The following LRRTM3 variants were observed in gnomAD, a reference collection of about 807,000 sequenced individuals.
LRRTM3 encodes leucine-rich repeat transmembrane neuronal protein 3.
Under a neutral mutation model 44.7 loss-of-function variants are expected in LRRTM3, and 24 were observed. The ratio of observed to expected loss-of-function variants is 0.54; its 90% CI spans 0.39 to 0.76. The LOEUF is 0.76. Among genes scored for constraint, LRRTM3 ranks in the 30% least tolerant of loss-of-function variants. The probability of loss-of-function intolerance (pLI) is 0.00; values close to 1 mark genes in which losing one functional copy is unlikely to be tolerated. For missense variants in LRRTM3, 587 were observed against 702.2 expected (o/e 0.84, Z 1.85); for synonymous variants, 277 against 278.7 (o/e 0.99, Z 0.06).
intron 2 of LRRTM3, among the ~76,000 whole-genome samples, chr10:67,013,512 G>T (rs945044503): frequency 7.2e-5 from 11 of 152,146 alleles, no homozygotes; most frequent in African/African-American, 2.7e-4. Context: ...TGTGCAAAAA[G>T]TCACATTAAA....
chr10:67,051,458 T>G (rs1052875598), intron 2 of LRRTM3, among the ~76,000 whole-genome samples: 1 of 78,544 alleles, frequency 1.3e-5, no homozygotes, highest in African/African-American at 4.5e-5. Flanking sequence ...TCTTTTTTCT[T>G]TTTTCTTTTT....
At chr10:66,967,691 T>A (rs1028025281) in intron 2 of LRRTM3, among the ~76,000 whole-genome samples, 9 of 152,042 alleles carry the variant, frequency 5.9e-5, no homozygotes. Context: ...AAAATGAACG[T>A]TCTAAAAATG....
At chr10:67,030,898 G>C (rs1036693919) in intron 2 of LRRTM3, among the ~76,000 whole-genome samples, 1 of 152,168 alleles carries the variant, frequency 6.6e-6, no homozygotes, top group African/African-American at 2.4e-5. Flanking sequence ...CAGCTACTCA[G>C]GTGGTTGAGG....
chr10:67,047,749 TTAAGA>T (rs1229222430), intron 2 of LRRTM3, among the ~76,000 whole-genome samples: 1 of 152,112 alleles, frequency 6.6e-6, no homozygotes, highest in Admixed American at 6.5e-5. Context: ...TTAAATTAAA[TTAAGA>T]TTTCATTTTC....
chr10:66,926,214 T>C lies in LRRTM3; in HGVS notation c.-370T>C. On this transcript the variant is annotated 5_prime_UTR_variant, in exon 1 of 3. Transcript: ENST00000361320. ...GCAGCTCAGGTAGCCCCAAATTGCC[T>C]GGAAGAATACATCATGTTTTTCGAT... 2.2e-6 allele frequency: 1 copy of C among 453,752 alleles called. No individual in the cohort carries two copies. Among genetic ancestry groups the C allele is most frequent in the Non-Finnish European group, 4.3e-6 (1 of 232,954 alleles). 28.1% of individuals were successfully genotyped at this position (453,752 alleles called of 1,614,324 possible).
At chr10:67,096,531 A>G (rs1213465980) in intron 2 of LRRTM3, among the ~76,000 whole-genome samples, 1 of 151,956 alleles carries the variant, frequency 6.6e-6, no homozygotes, top group African/African-American at 2.4e-5. Flanking sequence ...AGAGAATTCA[A>G]CAGCATGAAT....
intron 2 of LRRTM3, among the ~76,000 whole-genome samples, chr10:67,032,311 T>C (rs1449974166): frequency 6.6e-6 from 1 of 152,138 alleles, no homozygotes; most frequent in East Asian, 1.9e-4. Context: ...TATGCAGAGG[T>C]AACTGACATA....
In LRRTM3 at chr10:67,099,888, G is replaced by A. The variant is rs1203405603; in HGVS notation, c.*2092G>A. ...TCTCTACATTGAAATTTGGCTTTAC[G>A]TCGTTAGCAAATTTATAAAGGGTTA... On this transcript the variant is annotated 3_prime_UTR_variant, in exon 3 of 3. Coordinates refer to ENST00000361320, the MANE Select transcript of LRRTM3 (RefSeq NM_178011.5). 2.6e-5 allele frequency: 4 copies of A among 151,314 alleles called. No homozygotes were observed. Among genetic ancestry groups the A allele is most frequent in the South Asian group, 2.1e-4 (1 of 4,812 alleles). The allele number at this position is 151,314 out of a possible 1,614,324, so 9.4% of individuals were successfully genotyped here. A position where few individuals can be genotyped will look rare whatever the true frequency, so the allele number is the denominator to read the frequency against.
chr10:66,984,053 G>A (rs1850594050), intron 2 of LRRTM3, among the ~76,000 whole-genome samples: 1 of 152,136 alleles, frequency 6.6e-6, no homozygotes, highest in African/African-American at 2.4e-5. Flanking sequence ...ACATTATGAA[G>A]TCTCATCTGT....
At chr10:67,014,577 A>G (rs879780285) in intron 2 of LRRTM3, among the ~76,000 whole-genome samples, 6 of 152,176 alleles carry the variant, frequency 3.9e-5, no homozygotes, top group Non-Finnish European at 8.8e-5. Context: ...TCCAAAATTT[A>G]TAATGTATTT....
At chr10:66,989,875 A>G (rs567503969) in intron 2 of LRRTM3, among the ~76,000 whole-genome samples, 2 of 152,094 alleles carry the variant, frequency 1.3e-5, no homozygotes, top group Non-Finnish European at 2.9e-5. Flanking sequence ...CTCTATGATT[A>G]TTTAGCGGCA....
intron 2 of LRRTM3, among the ~76,000 whole-genome samples, chr10:66,967,224 A>G (rs753192338): frequency 1.3e-5 from 2 of 151,998 alleles, no homozygotes; most frequent in Non-Finnish European, 2.9e-5. Flanking sequence ...GACATAAACC[A>G]TGACCTTCTA....
intron 2 of LRRTM3, among the ~76,000 whole-genome samples, chr10:67,086,684 T>A (rs1271129020): frequency 6.6e-6 from 1 of 151,870 alleles, no homozygotes; most frequent in Non-Finnish European, 1.5e-5. Context: ...CAAACATAAA[T>A]GCCAATGTTC....
intron 2 of LRRTM3, among the ~76,000 whole-genome samples, chr10:66,933,207 A>G (rs1438755451): frequency 6.6e-6 from 1 of 152,256 alleles, no homozygotes; most frequent in Non-Finnish European, 1.5e-5. Flanking sequence ...CCCATTTTAC[A>G]TCATTAGAAG....
At chr10:67,096,765 A>C (rs1044853913) in intron 2 of LRRTM3, among the ~76,000 whole-genome samples, 1 of 151,776 alleles carries the variant, frequency 6.6e-6, no homozygotes, top group African/African-American at 2.4e-5. Flanking sequence ...TTTAGTTGGC[A>C]AGGGAGTCCC....
At chr10:67,083,690 A>G (rs529404378) in intron 2 of LRRTM3, among the ~76,000 whole-genome samples, 28 of 152,264 alleles carry the variant, frequency 1.8e-4, no homozygotes, top group African/African-American at 6.7e-4. Context: ...CCTATCAATA[A>G]TACATATATG....
At chr10:66,926,767 G>T (rs76700898) in intron 1 of LRRTM3, among the ~76,000 whole-genome samples, 154 bp from the exon 2 acceptor site, 315 of 152,220 alleles carry the variant, frequency 2.1e-3, no homozygotes, top group Middle Eastern at 6.8e-3. Context: ...AAACACTAAA[G>T]ACAATTCTCT....
intron 2 of LRRTM3, among the ~76,000 whole-genome samples, chr10:67,047,456 G>A (rs1029232523): frequency 2.6e-5 from 4 of 152,066 alleles, no homozygotes; most frequent in South Asian, 2.1e-4. Context: ...GAAAGGAGTC[G>A]GAGGGAAAGT....
intron 2 of LRRTM3, among the ~76,000 whole-genome samples, chr10:66,968,696 G>A (rs1284855786): frequency 6.6e-6 from 1 of 152,012 alleles, no homozygotes; most frequent in Admixed American, 6.6e-5. Flanking sequence ...GAGTCTTAAA[G>A]TTACATTTTT....
Sources: allele counts gnomAD v4.1 joint callset (sites outside exome capture counted in the v4.1 genomes callset), GRCh38; gene constraint gnomAD v4.1.1; transcripts MANE v1.5; gene names NCBI Gene and HGNC (gene_info 2026-07-23, HGNC 2026-07-21).